NARS2: variants seen among roughly 807,000 people sequenced by gnomAD.
NARS2 encodes asparaginyl-tRNA synthetase 2, mitochondrial.
NARS2 carries 60 observed loss-of-function variants against 62.9 expected under a neutral mutation model. The observed-to-expected ratio is 0.95, with a 90% CI of 0.77 to 1.18. The LOEUF is 1.18. NARS2 is among the 50% of genes most tolerant of loss of function. The pLI, the probability that NARS2 is intolerant of heterozygous loss-of-function variation, is 0.00. For synonymous variants in NARS2, 196 were observed against 200.0 expected (o/e 0.98, Z 0.17); for missense variants, 619 against 576.4 (o/e 1.07, Z -0.76).
At chr11:78,473,547 G>A (rs1370650567) in intron 9 of NARS2, among the ~76,000 whole-genome samples, 1 of 152,282 alleles carries the variant, frequency 6.6e-6, no homozygotes, top group South Asian at 2.1e-4. Flanking sequence ...AGCTACTCCA[G>A]CATTATCACC....
At chr11:78,560,763 C>T (rs1234795187) in intron 4 of NARS2, among the ~76,000 whole-genome samples, 1 of 152,192 alleles carries the variant, frequency 6.6e-6, no homozygotes, top group African/African-American at 2.4e-5. Context: ...TTAAAATGTA[C>T]ACTTAATCTG....
intron 13 of NARS2, among the ~76,000 whole-genome samples, chr11:78,437,122 T>C (rs1190708921): frequency 6.6e-6 from 1 of 152,246 alleles, no homozygotes; most frequent in Admixed American, 6.5e-5. Context: ...CAGAAAATTT[T>C]CTATAGATTT....
At chr11:78,454,721 C>T (rs1858095216) in intron 11 of NARS2, among the ~76,000 whole-genome samples, 1 of 151,610 alleles carries the variant, frequency 6.6e-6, no homozygotes, top group Non-Finnish European at 1.5e-5. Context: ...CGGGTTCAAG[C>T]GATTCTCTTG....
At chr11:78,467,558 TAAATA>T (rs1565217186) in intron 10 of NARS2, among the ~76,000 whole-genome samples, 4 of 150,872 alleles carry the variant, frequency 2.7e-5, no homozygotes, top group South Asian at 4.2e-4. Context: ...AATAAATAAA[TAAATA>T]AATAAATTAA....
At chr11:78,557,817 A>ATT (rs1228974884) in intron 5 of NARS2, among the ~76,000 whole-genome samples, 5 of 147,490 alleles carry the variant, frequency 3.4e-5, no homozygotes, top group South Asian at 4.2e-4. Flanking sequence ...TATATCTTAT[A>ATT]TTATATATAT....
In NARS2 at chr11:78,466,401, T is replaced by C. The variant is rs111285129; in HGVS notation, c.1027-388A>G. ...GCCTACAGCTTCTTCCACGTTATTG[T>C]TCCTAAGTCTCAGGAAATTAAATGA... On this transcript the variant is annotated intron_variant, in intron 10 of 13. Coordinates refer to ENST00000281038, the MANE Select transcript of NARS2 (RefSeq NM_024678.6). 2.5e-3 allele frequency among the ~76,000 whole-genome samples: 379 copies of C among 152,296 alleles called. 1 individual carries two copies. Among genetic ancestry groups the C allele is most frequent in the African/African-American group, 8.2e-3 (342 of 41,554 alleles).
chr11:78,512,690 C>T (rs1483986906), intron 6 of NARS2, among the ~76,000 whole-genome samples: 1 of 152,172 alleles, frequency 6.6e-6, no homozygotes, highest in Non-Finnish European at 1.5e-5. Flanking sequence ...GCAAGCATAA[C>T]ATTATCTTAG....
At chr11:78,495,347 T>G (rs757006361) in intron 6 of NARS2, among the ~76,000 whole-genome samples, 2 of 152,072 alleles carry the variant, frequency 1.3e-5, no homozygotes, top group Non-Finnish European at 2.9e-5. Context: ...ACCCTCCAAA[T>G]AGAAAATTCC....
At chr11:78,468,039 G>GAA (rs779408846) in intron 10 of NARS2, among the ~76,000 whole-genome samples, 186 of 86,098 alleles carry the variant, frequency 2.2e-3, no homozygotes, top group African/African-American at 5.8e-3. Flanking sequence ...AGTAAGTATT[G>GAA]AAAAAAAAAA....
At chr11:78,527,229 C>T (rs1427732423) in intron 6 of NARS2, among the ~76,000 whole-genome samples, 1 of 152,138 alleles carries the variant, frequency 6.6e-6, no homozygotes, top group Admixed American at 6.6e-5. Context: ...TCTTCAGATG[C>T]TCTTTGAAAC....
chr11:78,495,583 A>G (rs1309514994), intron 6 of NARS2, among the ~76,000 whole-genome samples: 6 of 152,194 alleles, frequency 3.9e-5, no homozygotes, highest in Non-Finnish European at 8.8e-5. Flanking sequence ...CCTAAGATAA[A>G]ACAGGTGCTC....
Position 78,574,765 on chromosome 11 carries a change from C to T in NARS2, c.-277G>A. 2.3e-6 allele frequency: 1 copy of T among 432,766 alleles called. No individual in the cohort carries two copies. The highest frequency in any genetic ancestry group is 4.1e-6 in the Non-Finnish European group (1 of 241,638). 26.8% of individuals were successfully genotyped at this position (432,766 alleles called of 1,614,324 possible). ...TGCAGTTGGCAGCTGGGGCGCCCCA[C>T]TACCCGCGACAATTGTAAACCTACG... On this transcript the variant is annotated 5_prime_UTR_variant, in exon 1 of 14. The change creates a new upstream start codon in the 5' untranslated region. Coordinates refer to ENST00000281038, the MANE Select transcript of NARS2 (RefSeq NM_024678.6).
chr11:78,574,373 G>C lies in NARS2; in HGVS notation c.116C>G (p.Ala39Gly), dbSNP rs781138896. The stretch of plus-strand genomic sequence containing the variant: ...CTGGATCTTAATGCGCTCCCCACTC[G>C]CGTTCTGAGCCCCGAGAGCGTCCCG... ...SVRDALGAQN[A>G]SGERIKIQGW... The change falls in exon 1 of 14, where the codon GCG (alanine) becomes GGG (glycine). Residue 39 changes from alanine (A) to glycine (G), a missense_variant. Physicochemically the swap from Ala to Gly is moderately conservative, Grantham distance 60. Coordinates refer to ENST00000281038, the MANE Select transcript of NARS2 (RefSeq NM_024678.6). 8.1e-6 allele frequency: 13 copies of C among 1,614,176 alleles called. No individual in the cohort carries two copies. In the East Asian group the frequency reaches 2.7e-4, roughly 33 times the overall value.
At chr11:78,539,141 T>TC (rs1402187359) in intron 5 of NARS2, among the ~76,000 whole-genome samples, 6 of 151,188 alleles carry the variant, frequency 4.0e-5, no homozygotes, top group Non-Finnish European at 8.8e-5. Flanking sequence ...AAGCATGGGG[T>TC]TGTGGCATGA....
chr11:78,476,439 G>T (rs971832831), intron 9 of NARS2, among the ~76,000 whole-genome samples: 4 of 152,158 alleles, frequency 2.6e-5, no homozygotes, highest in African/African-American at 7.2e-5. Context: ...TTCTGTGTGT[G>T]GTATTGTGCC....
chr11:78,477,768 G>A (rs991283882), intron 9 of NARS2, among the ~76,000 whole-genome samples: 25 of 152,194 alleles, frequency 1.6e-4, no homozygotes, highest in Admixed American at 1.6e-3. Context: ...CTCCTCCTGA[G>A]AAAGAAGGAA....
chr11:78,455,959 A>T (rs1282788147), intron 11 of NARS2, among the ~76,000 whole-genome samples: 1 of 151,992 alleles, frequency 6.6e-6, no homozygotes, highest in Non-Finnish European at 1.5e-5. Context: ...AATAGATGTC[A>T]ATTTGGAACG....
At chr11:78,471,043 A>G (rs375801617) in intron 9 of NARS2, among the ~76,000 whole-genome samples, 1 of 152,160 alleles carries the variant, frequency 6.6e-6, no homozygotes, top group African/African-American at 2.4e-5. Context: ...ATACAGTACA[A>G]TAAAGCCCCT....
chr11:78,518,555 T>A (rs1336269019), intron 6 of NARS2, among the ~76,000 whole-genome samples: 1 of 152,116 alleles, frequency 6.6e-6, no homozygotes, highest in East Asian at 1.9e-4. Flanking sequence ...TCTCGCACTT[T>A]CACCCAGGCC....
Sources: allele counts gnomAD v4.1 joint callset (sites outside exome capture counted in the v4.1 genomes callset), GRCh38; gene constraint gnomAD v4.1.1; transcripts MANE v1.5; gene names NCBI Gene and HGNC (gene_info 2026-07-23, HGNC 2026-07-21).